The following SPPL3 variants were observed in gnomAD, a reference collection of about 807,000 sequenced individuals.
SPPL3 encodes signal peptide peptidase-like 3.
SPPL3 carries 5 observed loss-of-function variants against 42.4 expected under a neutral mutation model. The ratio of observed to expected loss-of-function variants is 0.12; its 90% CI spans 0.06 to 0.25. The LOEUF is 0.25. Ranked by LOEUF, SPPL3 falls within the 10% of genes least tolerant of loss-of-function variation. The probability of loss-of-function intolerance (pLI) is 1.00; values close to 1 mark genes in which losing one functional copy is unlikely to be tolerated. For missense variants in SPPL3, 235 were observed against 489.0 expected, an observed-to-expected ratio of 0.48 and a Z score of 4.90; for synonymous variants, 195 against 181.8, an observed-to-expected ratio of 1.07 and a Z score of -0.58.
At chr12:120,867,492 T>C (rs1279418634) in intron 1 of SPPL3, among the ~76,000 whole-genome samples, 1 of 151,912 alleles carries the variant, frequency 6.6e-6, no homozygotes, top group Non-Finnish European at 1.5e-5. Context: ...TGGTGAAACT[T>C]TGTCTCCACT....
At chr12:120,811,839 CT>C (rs2137002197) in intron 1 of SPPL3, among the ~76,000 whole-genome samples, 1 of 151,806 alleles carries the variant, frequency 6.6e-6, no homozygotes, top group East Asian at 1.9e-4. Context: ...CAATTTCACC[CT>C]AAAGAAATAA....
At chr12:120,896,774 G>A (rs1298001644) in intron 1 of SPPL3, among the ~76,000 whole-genome samples, 1 of 148,546 alleles carries the variant, frequency 6.7e-6, no homozygotes, top group Non-Finnish European at 1.5e-5. Context: ...GTGAGACTCC[G>A]TTTCAAAAAA....
At chr12:120,896,140 A>G (rs1245798685) in intron 1 of SPPL3, among the ~76,000 whole-genome samples, 1 of 152,188 alleles carries the variant, frequency 6.6e-6, no homozygotes, top group Non-Finnish European at 1.5e-5. Context: ...CCTACAAACC[A>G]AGAAATGGGA....
intron 1 of SPPL3, among the ~76,000 whole-genome samples, chr12:120,852,748 CAT>C (rs1872283124): frequency 3.5e-5 from 2 of 56,414 alleles, no homozygotes; most frequent in Non-Finnish European, 3.2e-5. Flanking sequence ...TAATATATTT[CAT>C]ATATTATATC....
intron 3 of SPPL3, among the ~76,000 whole-genome samples, chr12:120,785,628 G>A (rs533600473): frequency 1.3e-4 from 19 of 151,808 alleles, no homozygotes; most frequent in South Asian, 2.1e-4. Context: ...TCATAAAAGC[G>A]CACAAAAGGA....
chr12:120,827,215 G>C (rs1391289814), intron 1 of SPPL3, among the ~76,000 whole-genome samples: 1 of 151,648 alleles, frequency 6.6e-6, no homozygotes, highest in Admixed American at 6.6e-5. Flanking sequence ...ATAAACATGA[G>C]AAATACCCTT....
intron 1 of SPPL3, among the ~76,000 whole-genome samples, chr12:120,852,323 CAT>C (rs940763956): frequency 6.9e-6 from 1 of 145,334 alleles, no homozygotes; most frequent in African/African-American, 2.5e-5. Context: ...TTTATATAAT[CAT>C]ATATATTAAT....
chr12:120,834,126 C>T (rs1871529364), intron 1 of SPPL3, among the ~76,000 whole-genome samples: 1 of 152,110 alleles, frequency 6.6e-6, no homozygotes, highest in South Asian at 2.1e-4. Flanking sequence ...ACCAGTTTTA[C>T]GTTAACCACA....
chr12:120,859,579 A>G (rs770707656), intron 1 of SPPL3, among the ~76,000 whole-genome samples: 1 of 152,206 alleles, frequency 6.6e-6, no homozygotes, highest in Non-Finnish European at 1.5e-5. Flanking sequence ...TCTTTTTGAA[A>G]CTTATCTCTA....
At chr12:120,887,199 C>G (rs897977895) in intron 1 of SPPL3, among the ~76,000 whole-genome samples, 1 of 151,968 alleles carries the variant, frequency 6.6e-6, no homozygotes, top group Non-Finnish European at 1.5e-5. Flanking sequence ...CCACCCATCT[C>G]GGCCTCTCAA....
intron 6 of SPPL3, among the ~76,000 whole-genome samples, chr12:120,775,441 C>A (rs757065797): frequency 1.4e-4 from 21 of 152,162 alleles, no homozygotes; most frequent in Non-Finnish European, 1.6e-4. Context: ...TGTGAGCCAC[C>A]GTGCCCGGTT....
intron 3 of SPPL3, among the ~76,000 whole-genome samples, chr12:120,787,589 T>C (rs1566041855): frequency 1.3e-5 from 2 of 152,122 alleles, no homozygotes; most frequent in Non-Finnish European, 1.5e-5. Flanking sequence ...TTATTACATA[T>C]TTAATACCAC....
At chr12:120,866,791 T>A (rs1872766180) in intron 1 of SPPL3, among the ~76,000 whole-genome samples, 1 of 152,340 alleles carries the variant, frequency 6.6e-6, no homozygotes, top group Non-Finnish European at 1.5e-5. Flanking sequence ...ATCAAACATG[T>A]CACTTCTCAA....
chr12:120,861,652 G>C (rs1872620811), intron 1 of SPPL3, among the ~76,000 whole-genome samples: 1 of 152,096 alleles, frequency 6.6e-6, no homozygotes, highest in South Asian at 2.1e-4. Flanking sequence ...ATCTGGCAGG[G>C]GAGTACGCTG....
intron 1 of SPPL3, among the ~76,000 whole-genome samples, chr12:120,852,058 G>A (rs1186231691): frequency 1.3e-5 from 2 of 150,618 alleles, no homozygotes; most frequent in Admixed American, 1.3e-4. Context: ...ATATCTAACA[G>A]ATGTCATTGT....
chr12:120,884,791 T>C (rs974854897), intron 1 of SPPL3, among the ~76,000 whole-genome samples: 1 of 144,826 alleles, frequency 6.9e-6, no homozygotes, highest in Non-Finnish European at 1.5e-5. Flanking sequence ...TAGAGTTTTT[T>C]TGGGTTTTTT....
intron 1 of SPPL3, among the ~76,000 whole-genome samples, chr12:120,854,523 A>G (rs1169722260): frequency 3.3e-5 from 5 of 152,200 alleles, no homozygotes; most frequent in Non-Finnish European, 7.3e-5. Flanking sequence ...AGCTACACCT[A>G]TAAATCACTA....
At chr12:120,780,040 AG>A (rs1444228874) in intron 6 of SPPL3, among the ~76,000 whole-genome samples, 2 of 150,966 alleles carry the variant, frequency 1.3e-5, no homozygotes, top group Non-Finnish European at 3.0e-5. Flanking sequence ...ACGGTTTAAA[AG>A]AAAAGTTTAA....
intron 1 of SPPL3, among the ~76,000 whole-genome samples, chr12:120,849,450 A>G (rs1311953788): frequency 6.6e-6 from 1 of 152,246 alleles, no homozygotes; most frequent in African/African-American, 2.4e-5. Flanking sequence ...CAAGTGAAAC[A>G]GGATGATCTA....
Sources: allele counts gnomAD v4.1 joint callset (sites outside exome capture counted in the v4.1 genomes callset), GRCh38; gene constraint gnomAD v4.1.1; transcripts MANE v1.5; gene names NCBI Gene and HGNC (gene_info 2026-07-23, HGNC 2026-07-21).